LRIG2: variants seen among roughly 807,000 people sequenced by gnomAD.
The protein encoded by LRIG2 is leucine-rich repeats and immunoglobulin-like domains protein 2.
In LRIG2, 93 loss-of-function variants were observed where a neutral mutation model predicts 107.8. The ratio of observed to expected loss-of-function variants is 0.86; its 90% confidence interval spans 0.73 to 1.03. LRIG2 has a LOEUF of 1.03. Ranked by LOEUF, LRIG2 falls within the 50% of genes least tolerant of loss-of-function variation. The pLI, the probability that LRIG2 is intolerant of heterozygous loss-of-function variation, is 0.00. For synonymous variants in LRIG2, 471 were observed against 470.6 expected (o/e 1.00, Z -0.01); for missense variants, 1,226 against 1,296.0 (o/e 0.95, Z 0.83).
At position 113,114,410 on chromosome 1, in the gene LRIG2, TA is replaced by T. The variant is rs1570767454; in HGVS notation, c.2081-15del. ...CCTAACTTTTCATTTTTTTTTTTTT[TA>T]ATGTTTTCCTGTTAGAGACACCCTC... On this transcript the variant is annotated splice_polypyrimidine_tract_variant and intron_variant, in intron 14 of 17. Coordinates refer to ENST00000361127, the MANE Select transcript of LRIG2 (RefSeq NM_014813.3). 8 of 1,509,978 alleles carry T rather than the reference TA, an allele frequency of 5.3e-6. No individual in the cohort carries two copies. Among genetic ancestry groups the T allele is most frequent in the African/African-American group, 1.4e-5 (1 of 71,140 alleles). The allele number at this position is 1,509,978 out of a possible 1,614,324, so 93.5% of individuals were successfully genotyped here. A position where few individuals can be genotyped will look rare whatever the true frequency, so the allele number is the denominator to read the frequency against.
chr1:113,108,915 AT>A (rs1320525888), intron 12 of LRIG2, among the ~76,000 whole-genome samples: 3 of 152,136 alleles, frequency 2.0e-5, no homozygotes, highest in Non-Finnish European at 4.4e-5. Flanking sequence ...GGAATGACTG[AT>A]TCTTAGCTTT....
chr1:113,080,637 C>G (rs932486571), intron 1 of LRIG2, among the ~76,000 whole-genome samples: 1 of 152,008 alleles, frequency 6.6e-6, no homozygotes, highest in Non-Finnish European at 1.5e-5. Context: ...CTCGGCCTCC[C>G]AAAGTGCTGG....
At chr1:113,109,781 A>G (rs1570760640) in intron 12 of LRIG2, among the ~76,000 whole-genome samples, 2 of 152,284 alleles carry the variant, frequency 1.3e-5, no homozygotes, top group South Asian at 4.2e-4. Context: ...GACCTCTGAA[A>G]GTGCTAGGAT....
Position 113,116,272 on chromosome 1 carries a change from A to G in LRIG2, c.2531-15A>G, listed in dbSNP as rs1655003933. On this transcript the variant is annotated splice_polypyrimidine_tract_variant and intron_variant, in intron 15 of 17. Transcript: ENST00000361127. The stretch of plus-strand genomic sequence containing the variant: ...AACTGCCTACCTTTGAGAGTTAAAA[A>G]TGTCTCTTTTACAGAGGAGCTCAAT... 1 of 1,597,218 alleles carries G rather than the reference A, an allele frequency of 6.3e-7. No individual in the cohort carries two copies. The highest frequency in any genetic ancestry group is 8.6e-7 in the Non-Finnish European group (1 of 1,169,582).
At chr1:113,093,353 T>C in intron 3 of LRIG2, 73 bp downstream of exon 3, 1 of 1,562,154 alleles carries the variant, frequency 6.4e-7, no homozygotes. Flanking sequence ...AGCACATATA[T>C]TGTTGATTCT....
At chr1:113,086,156 A>C (rs537801067) in intron 1 of LRIG2, among the ~76,000 whole-genome samples, 21 of 151,946 alleles carry the variant, frequency 1.4e-4, no homozygotes, top group African/African-American at 5.1e-4. Flanking sequence ...GCCACACGCC[A>C]CCACACCTGG....
At chr1:113,110,692 G>A in intron 13 of LRIG2, 130 bp downstream of exon 13, 2 of 720,916 alleles carry the variant, frequency 2.8e-6, no homozygotes, top group Non-Finnish European at 4.5e-6. Context: ...CTTTTGAGTT[G>A]TGATAACTTA....
intron 1 of LRIG2, among the ~76,000 whole-genome samples, chr1:113,086,915 CTTTAGG>C (rs982871630): frequency 3.9e-5 from 6 of 152,256 alleles, no homozygotes; most frequent in African/African-American, 9.6e-5. Context: ...CAGAGCTAGA[CTTTAGG>C]TTTAAGTTTA....
intron 17 of LRIG2, among the ~76,000 whole-genome samples, chr1:113,122,390 ATTG>A (rs1655302118): frequency 6.6e-6 from 1 of 152,004 alleles, no homozygotes; most frequent in Middle Eastern, 3.2e-3. Flanking sequence ...CCCAGCCTCT[ATTG>A]TTCTTAAGAG....
intron 11 of LRIG2, 63 bp from the exon 12 acceptor site, chr1:113,107,531 T>C (rs1654588865): frequency 6.8e-7 from 1 of 1,478,534 alleles, no homozygotes; most frequent in Admixed American, 2.1e-5. Flanking sequence ...AAGGTTTTAA[T>C]ACTGAAGACG....
chr1:113,095,550 A>G (rs1304679123), intron 6 of LRIG2, among the ~76,000 whole-genome samples: 1 of 151,944 alleles, frequency 6.6e-6, no homozygotes, highest in Non-Finnish European at 1.5e-5. Flanking sequence ...CTGGGACTAC[A>G]GGCGCGCGCC....
chr1:113,118,671 T>A (rs918995403), intron 16 of LRIG2, among the ~76,000 whole-genome samples: 1 of 151,898 alleles, frequency 6.6e-6, no homozygotes, highest in African/African-American at 2.4e-5. Context: ...TGACTTTGTT[T>A]TTTTTTTTTT....
chr1:113,102,594 C>T (rs150844049), intron 11 of LRIG2, among the ~76,000 whole-genome samples: 158 of 151,760 alleles, frequency 1.0e-3, no homozygotes, highest in Middle Eastern at 3.4e-3. Flanking sequence ...TTTTTTTTAC[C>T]CCAAACTGCT....
chr1:113,098,972 C>T (rs1401313883), intron 9 of LRIG2, among the ~76,000 whole-genome samples, 187 bp downstream of exon 9: 1 of 151,970 alleles, frequency 6.6e-6, no homozygotes, highest in Non-Finnish European at 1.5e-5. Flanking sequence ...ACTCTGTATC[C>T]CAGGCTGGGA....
chr1:113,096,138 T>C (rs1654054907), intron 7 of LRIG2, 84 bp from the exon 8 acceptor site: 1 of 1,579,452 alleles, frequency 6.3e-7, no homozygotes, highest in Admixed American at 1.8e-5. Flanking sequence ...TAGAAAGCTC[T>C]AAATTTACCA....
intron 9 of LRIG2, among the ~76,000 whole-genome samples, 168 bp downstream of exon 9, chr1:113,098,953 CT>C (rs1382216704): frequency 6.6e-6 from 1 of 152,088 alleles, no homozygotes; most frequent in Non-Finnish European, 1.5e-5. Flanking sequence ...TTTTTTGAGA[CT>C]GAGTCTCACT....
At position 113,096,339 on chromosome 1, in the gene LRIG2, T is replaced by C; in HGVS notation, c.1065T>C (p.Phe355=). The change falls in exon 8 of 18, where the codon TTT becomes TTC. Residue 355 remains phenylalanine, a synonymous_variant. Coordinates refer to ENST00000361127, the MANE Select transcript of LRIG2 (RefSeq NM_014813.3). ...TCACTCATATTGCTGATGGTGTATTTAGATTTCTTTCCAATCTTCAGACAT... is the reference window on the plus strand; with the variant it reads ...TCACTCATATTGCTGATGGTGTATTCAGATTTCTTTCCAATCTTCAGACAT... ...NRVTHIADGV[F]RFLSNLQTLD... 1.2e-6 allele frequency: 2 copies of C among 1,613,768 alleles called. No individual in the cohort carries two copies. The highest frequency in any genetic ancestry group is 2.2e-5 in the South Asian group (2 of 90,872).
intron 1 of LRIG2, among the ~76,000 whole-genome samples, chr1:113,091,113 T>C (rs1653801450): frequency 6.6e-6 from 1 of 151,968 alleles, no homozygotes; most frequent in Admixed American, 6.6e-5. Context: ...TTTGTATTTT[T>C]AGTAGAGATG....
rs762641532 is a variant in LRIG2 at position 113,126,871 on chromosome 1, A to G, written c.*2770A>G. 6.1e-6 allele frequency: 1 copy of G among 163,750 alleles called. No individual in the cohort carries two copies. Among genetic ancestry groups the G allele is most frequent in the Non-Finnish European group, 1.5e-5 (1 of 68,152 alleles). 10.1% of individuals were successfully genotyped at this position (163,750 alleles called of 1,614,324 possible). On this transcript the variant is annotated 3_prime_UTR_variant, in exon 18 of 18. Transcript: ENST00000361127. Reference sequence around the variant, plus strand: ...ATCTTCATCACTCAGGTTATTTGCAAGTAGAAAGCTTCTGGAACCATTTGT... The same window carrying G: ...ATCTTCATCACTCAGGTTATTTGCAGGTAGAAAGCTTCTGGAACCATTTGT...
Sources: gnomAD v4.1 joint callset for allele counts (sites outside exome capture counted in the v4.1 genomes callset) on GRCh38, gnomAD v4.1.1 for gene constraint, MANE v1.5 for transcripts, NCBI Gene and HGNC (gene_info 2026-07-23, HGNC 2026-07-21) for gene names.